Variants in GABRA2 observed in about 807,000 individuals in gnomAD.
The protein encoded by GABRA2 is gamma-aminobutyric acid type A receptor subunit alpha2.
In GABRA2, 16 loss-of-function variants were observed where a neutral mutation model predicts 48.7. The ratio of observed to expected loss-of-function variants is 0.33; its 90% CI spans 0.22 to 0.50. The LOEUF is 0.50. Ranked by LOEUF, GABRA2 falls within the 20% of genes least tolerant of loss-of-function variation. The pLI is 0.98. For synonymous variants in GABRA2, 185 were observed against 184.5 expected, an observed-to-expected ratio of 1.00 and a Z score of -0.02; for missense variants, 275 against 535.6, an observed-to-expected ratio of 0.51 and a Z score of 4.80.
At chr4:46,256,249 C>A (rs1291249716) in intron 9 of GABRA2, 5 of 695,132 alleles carry the variant, frequency 7.2e-6, no homozygotes, top group Non-Finnish European at 1.1e-5. Context: ...ACTCTAAAGT[C>A]TTTTCTTGGA....
intron 3 of GABRA2, among the ~76,000 whole-genome samples, chr4:46,352,214 T>A (rs1735248226): frequency 6.6e-6 from 1 of 151,936 alleles, no homozygotes; most frequent in Admixed American, 6.6e-5. Context: ...TGAAAACACA[T>A]CCAGTTTGTA....
chr4:46,377,768 C>T (rs868114182), intron 3 of GABRA2, among the ~76,000 whole-genome samples: 4,020 of 89,406 alleles, frequency 0.045, 165 homozygotes, highest in Non-Finnish European at 0.067. Context: ...CCGCCCCGTC[C>T]GGGAAGTGAG....
In GABRA2 at chr4:46,390,003, A is replaced by T; in HGVS notation, c.-279T>A. On this transcript the variant is annotated 5_prime_UTR_variant, in exon 1 of 10. Transcript: ENST00000381620. ...GGCGGTGATGGGCGGAGGAGGAGGA[A>T]GAGGAGGAGGAGGAAGAGGAGGAGG... 1 of 952,322 alleles carries T rather than the reference A, an allele frequency of 1.1e-6. No homozygotes were observed. Among genetic ancestry groups the T allele is most frequent in the Non-Finnish European group, 1.2e-6 (1 of 815,010 alleles). The allele number at this position is 952,322 out of a possible 1,614,324, so 59.0% of individuals were successfully genotyped here.
At chr4:46,379,417 G>T (rs949741888) in intron 3 of GABRA2, among the ~76,000 whole-genome samples, 49 of 152,154 alleles carry the variant, frequency 3.2e-4, no homozygotes, top group African/African-American at 8.7e-4. Flanking sequence ...TAAATAAATA[G>T]GAAATGACAA....
chr4:46,307,752 G>A (rs1726948017), intron 6 of GABRA2, among the ~76,000 whole-genome samples: 1 of 152,156 alleles, frequency 6.6e-6, no homozygotes. Flanking sequence ...TAAAGAAAGT[G>A]ACTGATTCTT....
At chr4:46,330,563 C>CATATAT (rs71955894) in intron 4 of GABRA2, among the ~76,000 whole-genome samples, 67 of 128,352 alleles carry the variant, frequency 5.2e-4, no homozygotes, top group Non-Finnish European at 9.6e-4. Context: ...TGTATATATG[C>CATATAT]ATATATATAT....
At chr4:46,287,686 G>A (rs1319587849) in intron 8 of GABRA2, among the ~76,000 whole-genome samples, 1 of 149,954 alleles carries the variant, frequency 6.7e-6, no homozygotes, top group Non-Finnish European at 1.5e-5. Flanking sequence ...GATAGATGAC[G>A]AGTTAGTGGG....
At chr4:46,310,869 C>T (rs1351891682) in intron 5 of GABRA2, among the ~76,000 whole-genome samples, 1 of 152,034 alleles carries the variant, frequency 6.6e-6, no homozygotes, top group East Asian at 1.9e-4. Flanking sequence ...TCTGTATCTA[C>T]ATGATTACAA....
At chr4:46,330,851 T>A (rs1560537452) in intron 4 of GABRA2, among the ~76,000 whole-genome samples, 1 of 152,052 alleles carries the variant, frequency 6.6e-6, no homozygotes, top group African/African-American at 2.4e-5. Flanking sequence ...AAATTCTGAC[T>A]CTACTTGATT....
intron 3 of GABRA2, among the ~76,000 whole-genome samples, chr4:46,352,028 T>C (rs1735215946): frequency 1.3e-5 from 2 of 152,000 alleles, no homozygotes; most frequent in African/African-American, 4.8e-5. Flanking sequence ...GGTAGTCTTT[T>C]AAGCTGCTGT....
rs866701956 is a variant in GABRA2, at chr4:46,265,448, G to A, written c.857-3320C>T. 3.5e-4 allele frequency among the ~76,000 whole-genome samples: 42 copies of A among 119,510 alleles called. 1 individual carries two copies. The highest frequency in any genetic ancestry group is 2.1e-3 in the African/African-American group (40 of 19,420). 78.4% of individuals were successfully genotyped at this position (119,510 alleles called of 152,430 possible). A position where few individuals can be genotyped will look rare whatever the true frequency, so the allele number is the denominator to read the frequency against. On this transcript the variant is annotated intron_variant, in intron 8 of 9. Coordinates refer to ENST00000381620, the MANE Select transcript of GABRA2 (RefSeq NM_000807.4). ...TGTGTATATATATATAATATATTGTGTATATATATAATATATATATAATAT... is the reference window on the plus strand; with the variant it reads ...TGTGTATATATATATAATATATTGTATATATATATAATATATATATAATAT...
chr4:46,293,429 A>G (rs1485972655), intron 8 of GABRA2, among the ~76,000 whole-genome samples: 1 of 152,194 alleles, frequency 6.6e-6, no homozygotes, highest in Non-Finnish European at 1.5e-5. Context: ...TTCAGGGACT[A>G]CTGGACACTG....
At chr4:46,386,228 G>A in intron 2 of GABRA2, 39 bp from the exon 3 acceptor site, 1 of 1,256,278 alleles carries the variant, frequency 8.0e-7, no homozygotes, top group Non-Finnish European at 1.1e-6. Flanking sequence ...ATATACATAT[G>A]TGTGTTTTGC....
chr4:46,289,252 G>A (rs1221097327), intron 8 of GABRA2, among the ~76,000 whole-genome samples: 2 of 152,184 alleles, frequency 1.3e-5, no homozygotes, highest in African/African-American at 4.8e-5. Context: ...ATGCATGCCT[G>A]TGCATGTTCA....
intron 3 of GABRA2, among the ~76,000 whole-genome samples, chr4:46,377,768 C>A (rs868114182): frequency 3.6e-4 from 32 of 89,526 alleles, no homozygotes; most frequent in South Asian, 7.4e-4. Flanking sequence ...CCGCCCCGTC[C>A]GGGAAGTGAG....
At chr4:46,389,635 A>G in intron 1 of GABRA2, 100 bp downstream of exon 1, 1 of 693,298 alleles carries the variant, frequency 1.4e-6, no homozygotes, top group Non-Finnish European at 1.8e-6. Context: ...CTCCGTTTCC[A>G]GGGAGCCTCT....
At chr4:46,382,898 A>G (rs2109361763) in intron 3 of GABRA2, among the ~76,000 whole-genome samples, 1 of 152,316 alleles carries the variant, frequency 6.6e-6, no homozygotes, top group Non-Finnish European at 1.5e-5. Flanking sequence ...AATTGAGACT[A>G]ATTAAATAGA....
chr4:46,264,129 C>T (rs1427010767), intron 8 of GABRA2, among the ~76,000 whole-genome samples: 1 of 144,872 alleles, frequency 6.9e-6, no homozygotes, highest in African/African-American at 2.6e-5. Flanking sequence ...TGAGACTGTT[C>T]ATTGCTTATG....
intron 3 of GABRA2, among the ~76,000 whole-genome samples, chr4:46,345,780 G>A (rs529411343): frequency 5.9e-5 from 9 of 151,898 alleles, no homozygotes; most frequent in African/African-American, 9.6e-5. Flanking sequence ...AACATCCTTC[G>A]CTTACCCTAA....
Sources: allele counts gnomAD v4.1 joint callset (sites outside exome capture counted in the v4.1 genomes callset), GRCh38; gene constraint gnomAD v4.1.1; transcripts MANE v1.5; gene names NCBI Gene and HGNC (gene_info 2026-07-23, HGNC 2026-07-21).